ST6GALNAC5: variants seen among roughly 807,000 people sequenced by gnomAD.
ST6GALNAC5 encodes alpha-N-acetylgalactosaminide alpha-2,6-sialyltransferase 5.
Under a neutral mutation model 33.6 loss-of-function variants are expected in ST6GALNAC5, and 27 were observed. That is an observed-to-expected ratio of 0.80 (90% CI 0.59 to 1.11). ST6GALNAC5 has a LOEUF of 1.11. ST6GALNAC5 is among the 50% of genes least tolerant of loss of function. The pLI is 0.00. For missense variants in ST6GALNAC5, 428 were observed against 454.0 expected (o/e 0.94, Z 0.52); for synonymous variants, 194 against 171.2 (o/e 1.13, Z -1.04).
At chr1:77,015,918 G>T (rs1570099330) in intron 2 of ST6GALNAC5, among the ~76,000 whole-genome samples, 1 of 151,984 alleles carries the variant, frequency 6.6e-6, no homozygotes, top group Non-Finnish European at 1.5e-5. Context: ...TCGGGGAGGC[G>T]TGTGTGAGCT....
chr1:76,939,267 G>T (rs117806998), intron 2 of ST6GALNAC5, among the ~76,000 whole-genome samples: 1 of 152,090 alleles, frequency 6.6e-6, no homozygotes, highest in Non-Finnish European at 1.5e-5. Flanking sequence ...CAGTTCTGGC[G>T]ATAGGAAAGC....
At chr1:76,986,167 A>T (rs1232561683) in intron 2 of ST6GALNAC5, among the ~76,000 whole-genome samples, 1 of 152,228 alleles carries the variant, frequency 6.6e-6, no homozygotes, top group African/African-American at 2.4e-5. Flanking sequence ...GACAAATGGG[A>T]TCTAATTAAA....
intron 2 of ST6GALNAC5, among the ~76,000 whole-genome samples, chr1:76,995,857 T>G (rs1331673721): frequency 4.6e-5 from 7 of 152,166 alleles, no homozygotes; most frequent in Admixed American, 4.6e-4. Context: ...AGGGACTATG[T>G]ATCTTTTGGC....
intron 4 of ST6GALNAC5, among the ~76,000 whole-genome samples, chr1:77,055,504 A>G: frequency 6.6e-6 from 1 of 152,228 alleles, no homozygotes; most frequent in East Asian, 1.9e-4. Context: ...AGCATCATTA[A>G]TATCACCATT....
intron 2 of ST6GALNAC5, among the ~76,000 whole-genome samples, chr1:77,029,188 T>C (rs1651359039): frequency 6.6e-6 from 1 of 152,230 alleles, no homozygotes; most frequent in Non-Finnish European, 1.5e-5. Flanking sequence ...ACATGACTCC[T>C]GCACTCTAGC....
chr1:77,024,658 A>T (rs569057594), intron 2 of ST6GALNAC5, among the ~76,000 whole-genome samples: 4 of 152,306 alleles, frequency 2.6e-5, no homozygotes, highest in South Asian at 2.1e-4. Context: ...GGGATTTCGC[A>T]AGGGACTTTG....
intron 2 of ST6GALNAC5, among the ~76,000 whole-genome samples, chr1:76,994,942 A>G (rs1160269551): frequency 6.6e-6 from 1 of 152,126 alleles, no homozygotes; most frequent in Non-Finnish European, 1.5e-5. Flanking sequence ...GCACTTCCAG[A>G]CTGAAGTTGT....
At chr1:76,958,910 C>A (rs1365206546) in intron 2 of ST6GALNAC5, among the ~76,000 whole-genome samples, 2 of 152,108 alleles carry the variant, frequency 1.3e-5, no homozygotes, top group Non-Finnish European at 2.9e-5. Context: ...GGTCATTGAC[C>A]TTTCTCTCTT....
intron 2 of ST6GALNAC5, among the ~76,000 whole-genome samples, chr1:76,979,205 G>A (rs1649147144): frequency 6.6e-6 from 1 of 152,028 alleles, no homozygotes; most frequent in Non-Finnish European, 1.5e-5. Flanking sequence ...CCTAAAGCTA[G>A]CTGCAGATTC....
At chr1:76,908,901 T>C (rs992736831) in intron 2 of ST6GALNAC5, among the ~76,000 whole-genome samples, 22 of 152,220 alleles carry the variant, frequency 1.4e-4, no homozygotes, top group African/African-American at 4.3e-4. Context: ...AATTCTTTGA[T>C]GCTCTAAGAA....
chr1:77,026,168 T>A (rs1356347100), intron 2 of ST6GALNAC5, among the ~76,000 whole-genome samples: 1 of 151,864 alleles, frequency 6.6e-6, no homozygotes, highest in Non-Finnish European at 1.5e-5. Flanking sequence ...ATGCATGCTA[T>A]CTTTGACCTG....
intron 2 of ST6GALNAC5, among the ~76,000 whole-genome samples, chr1:76,953,626 G>C (rs1219787621): frequency 6.6e-6 from 1 of 151,964 alleles, no homozygotes; most frequent in African/African-American, 2.4e-5. Context: ...TCTGTAACTT[G>C]TCTTTTCATT....
At chr1:76,973,079 G>T (rs1361457022) in intron 2 of ST6GALNAC5, among the ~76,000 whole-genome samples, 2 of 151,976 alleles carry the variant, frequency 1.3e-5, no homozygotes, top group Non-Finnish European at 2.9e-5. Flanking sequence ...AAATGTATTT[G>T]AATTTTTTGA....
At chr1:76,958,022 G>A (rs562700358) in intron 2 of ST6GALNAC5, among the ~76,000 whole-genome samples, 1 of 152,204 alleles carries the variant, frequency 6.6e-6, no homozygotes, top group East Asian at 1.9e-4. Flanking sequence ...GGGTTTGTCT[G>A]ATCATTTCTT....
intron 2 of ST6GALNAC5, among the ~76,000 whole-genome samples, chr1:77,038,483 C>G (rs1236071343): frequency 6.6e-6 from 1 of 152,212 alleles, no homozygotes; most frequent in Non-Finnish European, 1.5e-5. Flanking sequence ...AGAGCAAGAC[C>G]GGTCTCATTA....
chr1:77,027,216 A>G (rs1651277815), intron 2 of ST6GALNAC5, among the ~76,000 whole-genome samples: 2 of 152,228 alleles, frequency 1.3e-5, no homozygotes, highest in African/African-American at 4.8e-5. Flanking sequence ...CAACAAAAAC[A>G]CATGTTGCCC....
chr1:76,944,345 G>C (rs1228733719), intron 2 of ST6GALNAC5, among the ~76,000 whole-genome samples: 1 of 152,054 alleles, frequency 6.6e-6, no homozygotes, highest in Non-Finnish European at 1.5e-5. Flanking sequence ...TTATGATACA[G>C]CATGAAAAAG....
At chr1:77,042,778 A>G (rs1373168881) in intron 2 of ST6GALNAC5, among the ~76,000 whole-genome samples, 1 of 152,216 alleles carries the variant, frequency 6.6e-6, no homozygotes, top group Non-Finnish European at 1.5e-5. Flanking sequence ...TCAATCGAAT[A>G]CGGTATCTAT....
At chr1:76,956,047 C>G (rs1454404065) in intron 2 of ST6GALNAC5, among the ~76,000 whole-genome samples, 2 of 152,062 alleles carry the variant, frequency 1.3e-5, no homozygotes, top group Non-Finnish European at 2.9e-5. Context: ...CTTTTATTAT[C>G]AAATTGGTAC....
Sources: allele counts gnomAD v4.1 joint callset (sites outside exome capture counted in the v4.1 genomes callset), GRCh38; gene constraint gnomAD v4.1.1; transcripts MANE v1.5; gene names NCBI Gene and HGNC (gene_info 2026-07-23, HGNC 2026-07-21).